Variants in PTPN9 observed in about 807,000 individuals in gnomAD.
PTPN9 encodes the protein tyrosine-protein phosphatase non-receptor type 9.
In PTPN9, 26 loss-of-function variants were observed where a neutral mutation model predicts 69.8. That is an observed-to-expected ratio of 0.37 (90% CI 0.27 to 0.52). The LOEUF (loss-of-function observed/expected upper bound fraction) is 0.52, where lower values mean the gene tolerates loss of function less well. PTPN9 is among the 20% of genes least tolerant of loss of function. PTPN9 has a pLI of 0.91. For missense variants in PTPN9, 549 were observed against 740.3 expected, an observed-to-expected ratio of 0.74 and a Z score of 3.00; for synonymous variants, 274 against 272.5, an observed-to-expected ratio of 1.01 and a Z score of -0.05.
rs1313905266 is a variant in PTPN9 at position 75,526,002 on chromosome 15, C to CA, written c.207+1115_207+1116insT. On this transcript the variant is annotated intron_variant, in intron 2 of 12. Coordinates refer to ENST00000618819, the MANE Select transcript of PTPN9 (RefSeq NM_002833.4). ...ACAACTCTTTGTTTATTTTCTCTTTCTTTTTTTTTTTTTTAAACAGTCTCA... is the reference window on the plus strand; with the variant it reads ...ACAACTCTTTGTTTATTTTCTCTTTCATTTTTTTTTTTTTTAAACAGTCTCA... Among the ~76,000 whole-genome samples, 5 of 142,676 alleles carry CA rather than the reference C, an allele frequency of 3.5e-5. No individual in the cohort carries two copies. In the East Asian group the frequency reaches 1.0e-3, roughly 29 times the overall value. The allele number at this position is 142,676 out of a possible 152,430, so 93.6% of individuals were successfully genotyped here. A position where few individuals can be genotyped will look rare whatever the true frequency, so the allele number is the denominator to read the frequency against.
chr15:75,501,805 AAG>A (rs924547144), intron 7 of PTPN9, among the ~76,000 whole-genome samples: 3 of 152,142 alleles, frequency 2.0e-5, no homozygotes, highest in African/African-American at 7.2e-5. Flanking sequence ...GCTGGAGAGA[AAG>A]AGATTTCTGG....
At chr15:75,538,395 G>A (rs1392535458) in intron 1 of PTPN9, among the ~76,000 whole-genome samples, 1 of 151,974 alleles carries the variant, frequency 6.6e-6, no homozygotes, top group African/African-American at 2.4e-5. Context: ...ACAACCTGAT[G>A]CAAAAAGACA....
intron 7 of PTPN9, among the ~76,000 whole-genome samples, chr15:75,502,269 A>T (rs1042568680): frequency 6.6e-6 from 1 of 152,086 alleles, no homozygotes; most frequent in Admixed American, 6.6e-5. Context: ...CAACATCGTG[A>T]AACCCTGTCT....
At chr15:75,498,669 T>G (rs948703199) in intron 7 of PTPN9, among the ~76,000 whole-genome samples, 2 of 152,088 alleles carry the variant, frequency 1.3e-5, no homozygotes, top group Non-Finnish European at 2.9e-5. Context: ...GAGCTGAGAT[T>G]GCACCACAGC....
At chr15:75,505,097 A>G (rs892242320) in intron 7 of PTPN9, among the ~76,000 whole-genome samples, 2 of 152,126 alleles carry the variant, frequency 1.3e-5, no homozygotes, top group Non-Finnish European at 1.5e-5. Flanking sequence ...GAGACTTTTC[A>G]TTTTGTTCTG....
At chr15:75,515,578 G>A (rs2074865525) in intron 5 of PTPN9, among the ~76,000 whole-genome samples, 1 of 151,912 alleles carries the variant, frequency 6.6e-6, no homozygotes. Flanking sequence ...GACCAGCCTG[G>A]GCAACATAGC....
intron 4 of PTPN9, among the ~76,000 whole-genome samples, chr15:75,520,900 G>A (rs2074901592): frequency 6.6e-6 from 1 of 151,880 alleles, no homozygotes; most frequent in Non-Finnish European, 1.5e-5. Context: ...ACCTCCCAGG[G>A]CTCAGATGAT....
At chr15:75,479,707 C>T in intron 9 of PTPN9, 141 bp downstream of exon 9, 2 of 645,770 alleles carry the variant, frequency 3.1e-6, no homozygotes, top group Non-Finnish European at 5.2e-6. Context: ...TCAACCACCA[C>T]CCATCTTTAT....
intron 1 of PTPN9, among the ~76,000 whole-genome samples, chr15:75,547,267 C>G (rs2075037098): frequency 1.5e-5 from 2 of 129,966 alleles, no homozygotes; most frequent in South Asian, 5.3e-4. Flanking sequence ...TGCACTTCAG[C>G]TTGGCCGACA....
At chr15:75,569,019 A>G (rs562959652) in intron 1 of PTPN9, among the ~76,000 whole-genome samples, 48 of 152,316 alleles carry the variant, frequency 3.2e-4, no homozygotes, top group Middle Eastern at 3.4e-3. Context: ...TAGGAATAGA[A>G]AACAGTGGTT....
chr15:75,540,253 T>C (rs1446990215), intron 1 of PTPN9, among the ~76,000 whole-genome samples: 1 of 152,112 alleles, frequency 6.6e-6, no homozygotes, highest in Non-Finnish European at 1.5e-5. Context: ...GAGTGCACTG[T>C]AAATACTTTT....
At chr15:75,489,888 T>A (rs2074699404) in intron 8 of PTPN9, among the ~76,000 whole-genome samples, 1 of 152,158 alleles carries the variant, frequency 6.6e-6, no homozygotes. Context: ...CCAAAGGAAT[T>A]GCACTATATG....
Position 75,578,794 on chromosome 15 carries a change from C to A in PTPN9, c.-18G>T. The A allele has an allele frequency of 8.1e-7, 1 of 1,229,938 alleles. No homozygotes were observed. Among genetic ancestry groups the A allele is most frequent in the Non-Finnish European group, 1.0e-6 (1 of 986,504 alleles). The allele number at this position is 1,229,938 out of a possible 1,614,324, so 76.2% of individuals were successfully genotyped here. The stretch of plus-strand genomic sequence containing the variant: ...GGCTCCATCCCCCCGCCACCGCCGC[C>A]GGGCGGACAAAACTCGCTCGCGAGC... On this transcript the variant is annotated 5_prime_UTR_variant, in exon 1 of 13. Transcript: ENST00000618819.
At chr15:75,498,268 A>G (rs1424344045) in intron 7 of PTPN9, among the ~76,000 whole-genome samples, 1 of 152,132 alleles carries the variant, frequency 6.6e-6, no homozygotes, top group East Asian at 1.9e-4. Context: ...CTAAAAGATT[A>G]CATACAGTAT....
intron 5 of PTPN9, among the ~76,000 whole-genome samples, chr15:75,509,406 C>T (rs1168354919): frequency 2.0e-5 from 3 of 152,120 alleles, no homozygotes; most frequent in South Asian, 4.1e-4. Context: ...AAACATTTCT[C>T]GACCAGGTGC....
At chr15:75,530,872 GATATATT>G (rs1372644339) in intron 1 of PTPN9, among the ~76,000 whole-genome samples, 3 of 78,268 alleles carry the variant, frequency 3.8e-5, no homozygotes, top group African/African-American at 1.4e-4. Context: ...TATATATTAC[GATATATT>G]ATATATTATT....
chr15:75,560,157 T>A (rs902810929), intron 1 of PTPN9, among the ~76,000 whole-genome samples: 5 of 150,944 alleles, frequency 3.3e-5, no homozygotes, highest in Admixed American at 6.6e-5. Flanking sequence ...AAAAAAAAAA[T>A]TTATCTGATA....
chr15:75,556,752 G>A (rs1202516790), intron 1 of PTPN9, among the ~76,000 whole-genome samples: 1 of 152,166 alleles, frequency 6.6e-6, no homozygotes, highest in Non-Finnish European at 1.5e-5. Flanking sequence ...CAATTCAGTT[G>A]CATTAAATAA....
At chr15:75,498,876 C>G (rs937912634) in intron 7 of PTPN9, among the ~76,000 whole-genome samples, 1 of 152,026 alleles carries the variant, frequency 6.6e-6, no homozygotes, top group African/African-American at 2.4e-5. Context: ...ACATGTGTGA[C>G]AAAACTGCAC....
Sources: gnomAD v4.1 joint callset for allele counts (sites outside exome capture counted in the v4.1 genomes callset) on GRCh38, gnomAD v4.1.1 for gene constraint, MANE v1.5 for transcripts, NCBI Gene and HGNC (gene_info 2026-07-23, HGNC 2026-07-21) for gene names.